The following ANAPC10 variants were observed in gnomAD, a reference collection of about 807,000 sequenced individuals.
ANAPC10 encodes the protein anaphase-promoting complex subunit 10.
Under a neutral mutation model 22.0 loss-of-function variants are expected in ANAPC10, and 12 were observed. That is an observed-to-expected ratio of 0.55 (90% CI 0.35 to 0.88). The LOEUF (loss-of-function observed/expected upper bound fraction) is 0.88. ANAPC10 is among the 40% of genes least tolerant of loss of function. The probability of loss-of-function intolerance (pLI) is 0.01; values close to 1 mark genes in which losing one functional copy is unlikely to be tolerated. For missense variants in ANAPC10, 188 were observed against 220.9 expected (o/e 0.85, Z 0.94); for synonymous variants, 65 against 69.5 (o/e 0.94, Z 0.32).
At chr4:145,085,128 T>G (rs1441314590) in intron 2 of ANAPC10, among the ~76,000 whole-genome samples, 1 of 152,106 alleles carries the variant, frequency 6.6e-6, no homozygotes, top group African/African-American at 2.4e-5. Context: ...ATAAAAAAAC[T>G]TAGCCAGGCG....
chr4:145,006,094 T>A (rs1733300775), intron 4 of ANAPC10, among the ~76,000 whole-genome samples: 1 of 152,140 alleles, frequency 6.6e-6, no homozygotes. Flanking sequence ...CTAAGTCTCT[T>A]TGTAGGTCTC....
At chr4:145,096,215 T>A in intron 1 of ANAPC10, 104 bp from the exon 2 acceptor site, 3 of 1,153,020 alleles carry the variant, frequency 2.6e-6, no homozygotes, top group Non-Finnish European at 3.7e-6. Flanking sequence ...ACCCTGACAT[T>A]AATCATTTAT....
chr4:145,076,072 A>T (rs1331396146), intron 3 of ANAPC10, among the ~76,000 whole-genome samples: 1 of 152,178 alleles, frequency 6.6e-6, no homozygotes, highest in Non-Finnish European at 1.5e-5. Flanking sequence ...CCCAGCAGCC[A>T]CTGCCATAGC....
At chr4:145,024,629 A>C (rs1449414113) in intron 4 of ANAPC10, among the ~76,000 whole-genome samples, 1 of 152,206 alleles carries the variant, frequency 6.6e-6, no homozygotes, top group Non-Finnish European at 1.5e-5. Flanking sequence ...GTGGGATTAA[A>C]ATATTCAGGG....
intron 2 of ANAPC10, among the ~76,000 whole-genome samples, chr4:145,093,163 C>A (rs1747948718): frequency 6.6e-6 from 1 of 152,054 alleles, no homozygotes; most frequent in African/African-American, 2.4e-5. Flanking sequence ...CAAGTGTGCG[C>A]CAAAGCACAG....
At chr4:145,088,008 AC>A (rs1747144942) in intron 2 of ANAPC10, among the ~76,000 whole-genome samples, 1 of 152,168 alleles carries the variant, frequency 6.6e-6, no homozygotes, top group Admixed American at 6.5e-5. Context: ...AGATCGCACC[AC>A]TGCACTCCAG....
chr4:145,009,037 C>A (rs1290297719), intron 4 of ANAPC10, among the ~76,000 whole-genome samples: 1 of 151,984 alleles, frequency 6.6e-6, no homozygotes, highest in Admixed American at 6.6e-5. Context: ...TATTCCTATA[C>A]ACTAATAACA....
intron 4 of ANAPC10, among the ~76,000 whole-genome samples, chr4:145,056,708 CCTA>C (rs1742122415): frequency 6.6e-6 from 1 of 152,150 alleles, no homozygotes; most frequent in East Asian, 1.9e-4. Context: ...TAATTAAATG[CCTA>C]CTGTTTCAGA....
intron 4 of ANAPC10, among the ~76,000 whole-genome samples, chr4:145,006,558 C>CA (rs1733400261): frequency 6.6e-6 from 1 of 152,098 alleles, no homozygotes; most frequent in Non-Finnish European, 1.5e-5. Context: ...ATTACTTATG[C>CA]TAGCTAACCT....
At chr4:145,023,572 A>C (rs990422252) in intron 4 of ANAPC10, among the ~76,000 whole-genome samples, 1 of 152,210 alleles carries the variant, frequency 6.6e-6, no homozygotes, top group Non-Finnish European at 1.5e-5. Flanking sequence ...AAAGCAAGTC[A>C]CACAAATTTT....
intron 3 of ANAPC10, among the ~76,000 whole-genome samples, chr4:145,072,780 T>C (rs1744666545): frequency 6.6e-6 from 1 of 152,184 alleles, no homozygotes; most frequent in South Asian, 2.1e-4. Flanking sequence ...TTGGTGTTCA[T>C]AATTCAATAT....
intron 4 of ANAPC10, among the ~76,000 whole-genome samples, chr4:145,016,959 C>A (rs1735265189): frequency 6.6e-6 from 1 of 152,152 alleles, no homozygotes; most frequent in South Asian, 2.1e-4. Context: ...ACACCTTACA[C>A]AAAAATTAAT....
At chr4:145,026,215 C>G (rs372063941) in intron 4 of ANAPC10, among the ~76,000 whole-genome samples, 1 of 152,142 alleles carries the variant, frequency 6.6e-6, no homozygotes, top group African/African-American at 2.4e-5. Context: ...AAGACCTATA[C>G]ATAATGATGT....
At chr4:145,000,509 C>T (rs1279394057) in intron 4 of ANAPC10, among the ~76,000 whole-genome samples, 2 of 152,204 alleles carry the variant, frequency 1.3e-5, no homozygotes, top group Non-Finnish European at 2.9e-5. Context: ...TACCATCTCA[C>T]ATCAGTTAGA....
At chr4:145,044,980 T>G (rs1299947206) in intron 4 of ANAPC10, among the ~76,000 whole-genome samples, 1 of 152,042 alleles carries the variant, frequency 6.6e-6, no homozygotes, top group Non-Finnish European at 1.5e-5. Context: ...CGGAAGTTTT[T>G]TTTTAAAACA....
chr4:145,049,180 AT>A (rs1740735897), intron 4 of ANAPC10, among the ~76,000 whole-genome samples: 1 of 152,040 alleles, frequency 6.6e-6, no homozygotes, highest in African/African-American at 2.4e-5. Context: ...ACAAGTTGTA[AT>A]TTTTTTTGGA....
chr4:145,060,094 T>G (rs1274099278), intron 4 of ANAPC10, among the ~76,000 whole-genome samples: 1 of 152,078 alleles, frequency 6.6e-6, no homozygotes, highest in African/African-American at 2.4e-5. Flanking sequence ...ATAGAAATAG[T>G]CTCTTGTGTA....
At chr4:145,022,654 A>T (rs533186690) in intron 4 of ANAPC10, among the ~76,000 whole-genome samples, 38 of 151,386 alleles carry the variant, frequency 2.5e-4, no homozygotes, top group African/African-American at 7.8e-4. Flanking sequence ...CCTATGGAAA[A>T]TTTTTTTTTA....
chr4:145,081,844 T>C (rs1746068947), intron 2 of ANAPC10, 94 bp from the exon 3 acceptor site: 2 of 890,278 alleles, frequency 2.2e-6, no homozygotes, highest in Admixed American at 2.3e-5. Flanking sequence ...TCCAGAAATT[T>C]TGATAAACAG....
Sources: gnomAD v4.1 joint callset for allele counts (sites outside exome capture counted in the v4.1 genomes callset) on GRCh38, gnomAD v4.1.1 for gene constraint, MANE v1.5 for transcripts, NCBI Gene and HGNC (gene_info 2026-07-23, HGNC 2026-07-21) for gene names.